The following PC variants were observed in gnomAD, a reference collection of about 807,000 sequenced individuals.
The protein encoded by PC is pyruvate carboxylase, also known as pyruvate carboxylase, mitochondrial.
A neutral mutation model predicts 107.8 loss-of-function variants in PC; 46 were observed. The observed-to-expected ratio is 0.43, with a 90% confidence interval of 0.34 to 0.55. The LOEUF is 0.55. Among genes scored for constraint, PC ranks in the 20% least tolerant of loss-of-function variants. PC has a pLI of 0.04. For missense variants in PC, 1,241 were observed against 1,643.1 expected (o/e 0.76, Z 4.23); for synonymous variants, 662 against 684.7 (o/e 0.97, Z 0.52).
At chr11:66,934,907 C>CGGTTTA (rs1491294856) in intron 3 of PC, among the ~76,000 whole-genome samples, 1 of 152,158 alleles carries the variant, frequency 6.6e-6, no homozygotes, top group Non-Finnish European at 1.5e-5. Flanking sequence ...GCCCAGCCCC[C>CGGTTTA]TGTGTATGTT....
intron 3 of PC, among the ~76,000 whole-genome samples, chr11:66,942,371 G>C (rs1224435181): frequency 3.4e-5 from 5 of 147,448 alleles, no homozygotes; most frequent in African/African-American, 1.3e-4. Context: ...CTGCACTCCA[G>C]CCTGGGCGAC....
chr11:66,861,601 G>A (rs117301558), intron 12 of PC, among the ~76,000 whole-genome samples: 5 of 152,134 alleles, frequency 3.3e-5, no homozygotes, highest in Non-Finnish European at 7.4e-5. Flanking sequence ...AGAGAAGGGT[G>A]TGGGGAGCGA....
At chr11:66,853,631 C>A (rs1945638396) in intron 12 of PC, among the ~76,000 whole-genome samples, 1 of 152,202 alleles carries the variant, frequency 6.6e-6, no homozygotes, top group African/African-American at 2.4e-5. Flanking sequence ...TGAAGGCCAC[C>A]CTTCCTGCCT....
chr11:66,849,079 C>T lies in PC; in HGVS notation c.3357G>A (p.Lys1119=), dbSNP rs960938078. The T allele has an allele frequency of 6.2e-7, 1 of 1,614,050 alleles. No individual in the cohort carries two copies. The highest frequency in any genetic ancestry group is 1.3e-5 in the African/African-American group (1 of 74,942). ...CTGCCACCACTTTGATGTCTATCAC[C>T]TTCCCAGGCATGGGCGCCCCGATCT... ...KGQIGAPMPG[K]VIDIKVVAGA... The change falls in exon 23 of 23, where the codon AAG becomes AAA. Residue 1119 remains lysine, a synonymous_variant. Coordinates refer to ENST00000393960, the MANE Select transcript of PC (RefSeq NM_001040716.2).
chr11:66,855,821 C>G (rs942171980), intron 12 of PC, among the ~76,000 whole-genome samples: 1 of 152,254 alleles, frequency 6.6e-6, no homozygotes. Context: ...TACCATCCAA[C>G]TCTCCTGGCC....
intron 13 of PC, 187 bp downstream of exon 13, chr11:66,853,052 C>T (rs1945600874): frequency 1.4e-6 from 1 of 722,884 alleles, no homozygotes. Context: ...TCTCTCAGAT[C>T]AGAAGCAAGG....
intron 3 of PC, among the ~76,000 whole-genome samples, chr11:66,948,278 C>T (rs1949353933): frequency 6.6e-6 from 1 of 151,188 alleles, no homozygotes. Flanking sequence ...CATAATTATG[C>T]TGAGTAAAAG....
At chr11:66,859,224 C>A in intron 12 of PC, 1 of 1,233,122 alleles carries the variant, frequency 8.1e-7, no homozygotes, top group Non-Finnish European at 1.1e-6. Flanking sequence ...GGCTGCTGGA[C>A]TCTTGGAGGA....
rs996970155 is a variant in PC, at chr11:66,853,156, A to G, written c.1513+83T>C. 21 of 1,502,148 alleles carry G rather than the reference A, an allele frequency of 1.4e-5. No homozygotes were observed. The Admixed American group carries it at 3.5e-4, about 25-fold the overall frequency. 93.1% of individuals were successfully genotyped at this position (1,502,148 alleles called of 1,614,324 possible). A position where few individuals can be genotyped will look rare whatever the true frequency, so the allele number is the denominator to read the frequency against. On this transcript the variant is annotated intron_variant, in intron 13 of 22. Coordinates refer to ENST00000393960, the MANE Select transcript of PC (RefSeq NM_001040716.2). ...GGGGGCACTAAGGAGTTCTTTGGTC[A>G]TGGGGAGTGGCAAGGAGGTAGGAGC...
At chr11:66,861,504 G>A (rs563396336) in intron 12 of PC, among the ~76,000 whole-genome samples, 1 of 152,262 alleles carries the variant, frequency 6.6e-6, no homozygotes, top group Non-Finnish European at 1.5e-5. Flanking sequence ...GCTCACACGC[G>A]TGTGCCTGCC....
chr11:66,855,329 CT>C (rs896698775), intron 12 of PC, among the ~76,000 whole-genome samples: 8 of 151,730 alleles, frequency 5.3e-5, no homozygotes, highest in Non-Finnish European at 1.2e-4. Context: ...TGAATGAAAA[CT>C]TTTTTTTTGA....
intron 12 of PC, chr11:66,860,595 C>T (rs28718059): frequency 1.3e-5 from 9 of 701,358 alleles, no homozygotes; most frequent in Non-Finnish European, 1.8e-5. Flanking sequence ...TCACAGCAGC[C>T]TGGGGCCTCC....
chr11:66,920,224 G>A (rs1051010279), intron 3 of PC, among the ~76,000 whole-genome samples: 2 of 152,138 alleles, frequency 1.3e-5, no homozygotes, highest in Non-Finnish European at 2.9e-5. Context: ...GATGAATCCA[G>A]CTGGCTCAGA....
At chr11:66,956,523 TGTG>T (rs1183631478) in intron 1 of PC, among the ~76,000 whole-genome samples, 2 of 152,138 alleles carry the variant, frequency 1.3e-5, no homozygotes, top group African/African-American at 4.8e-5. Flanking sequence ...AGGCGGAGGT[TGTG>T]GTGAGCTGAG....
At chr11:66,910,900 G>C (rs1195936733) in intron 3 of PC, among the ~76,000 whole-genome samples, 2 of 152,160 alleles carry the variant, frequency 1.3e-5, no homozygotes, top group Non-Finnish European at 2.9e-5. Flanking sequence ...ACTGCAGTTT[G>C]AGCTCTGGGA....
intron 12 of PC, among the ~76,000 whole-genome samples, chr11:66,862,263 G>A (rs1410291108): frequency 1.3e-5 from 2 of 152,216 alleles, no homozygotes; most frequent in African/African-American, 2.4e-5. Flanking sequence ...CCCCACGGAA[G>A]AGTAACACCC....
At chr11:66,934,852 G>A (rs900877357) in intron 3 of PC, among the ~76,000 whole-genome samples, 2 of 152,024 alleles carry the variant, frequency 1.3e-5, no homozygotes, top group Admixed American at 1.3e-4. Flanking sequence ...TGATCCACCC[G>A]CCTCGGCCTC....
chr11:66,901,800 C>CT (rs369336289), intron 3 of PC, among the ~76,000 whole-genome samples: 9,166 of 152,228 alleles, frequency 0.06, 284 homozygotes, highest in Non-Finnish European at 0.069. Flanking sequence ...CTCCTGACCC[C>CT]TTCAAGCCTA....
intron 3 of PC, among the ~76,000 whole-genome samples, chr11:66,945,060 G>A (rs1008306473): frequency 8.5e-6 from 1 of 117,448 alleles, no homozygotes; most frequent in African/African-American, 3.1e-5. Flanking sequence ...CCATTTCCAG[G>A]GGCGTGAACT....
Sources: allele counts gnomAD v4.1 joint callset (sites outside exome capture counted in the v4.1 genomes callset), GRCh38; gene constraint gnomAD v4.1.1; transcripts MANE v1.5; gene names NCBI Gene and HGNC (gene_info 2026-07-23, HGNC 2026-07-21).